Variants in EFTUD2 observed in about 807,000 individuals in gnomAD.
EFTUD2 encodes elongation factor Tu GTP binding domain containing 2, also known as 116 kDa U5 small nuclear ribonucleoprotein component.
A neutral mutation model predicts 114.3 loss-of-function variants in EFTUD2; 9 were observed. That is an observed-to-expected ratio of 0.08 (90% CI 0.05 to 0.14). The LOEUF is 0.14. Ranked by LOEUF, EFTUD2 falls within the 10% of genes least tolerant of loss-of-function variation. The pLI is 1.00. For synonymous variants in EFTUD2, 449 were observed against 462.3 expected, an observed-to-expected ratio of 0.97 and a Z score of 0.37; for missense variants, 765 against 1,241.2, an observed-to-expected ratio of 0.62 and a Z score of 5.76.
At chr17:44,881,101 T>C (rs1043318682) in intron 7 of EFTUD2, among the ~76,000 whole-genome samples, 8 of 152,178 alleles carry the variant, frequency 5.3e-5, no homozygotes, top group African/African-American at 1.4e-4. Flanking sequence ...ACAGCTAACA[T>C]TGATTGCCTA....
intron 1 of EFTUD2, chr17:44,895,750 T>C (rs1298025080): frequency 6.6e-6 from 1 of 152,224 alleles, no homozygotes; most frequent in Non-Finnish European, 1.5e-5. Context: ...AGAAAATTGA[T>C]ATTCACACAT....
chr17:44,859,006 C>T (rs1384521785), intron 19 of EFTUD2, 74 bp downstream of exon 19: 5 of 989,606 alleles, frequency 5.1e-6, no homozygotes, highest in African/African-American at 4.8e-5. Flanking sequence ...TTGGAGCTTC[C>T]CAGGAATTCA....
chr17:44,856,777 A>C (rs1036308473), intron 20 of EFTUD2, among the ~76,000 whole-genome samples: 25 of 152,104 alleles, frequency 1.6e-4, no homozygotes, highest in African/African-American at 5.8e-4. Context: ...AAAAAACAAA[A>C]AAACAAAAAG....
intron 11 of EFTUD2, among the ~76,000 whole-genome samples, chr17:44,869,887 G>A (rs187586391): frequency 3.9e-4 from 59 of 152,264 alleles, no homozygotes; most frequent in East Asian, 1.2e-3. Flanking sequence ...GATTCTGTTC[G>A]TCCACTGGAT....
chr17:44,894,769 A>G (rs1469640617), intron 1 of EFTUD2, among the ~76,000 whole-genome samples: 1 of 152,212 alleles, frequency 6.6e-6, no homozygotes, highest in Non-Finnish European at 1.5e-5. Context: ...TAAGGAGCAG[A>G]GAGTTGAATA....
At chr17:44,875,456 G>A (rs530756842) in intron 10 of EFTUD2, among the ~76,000 whole-genome samples, 9 of 152,248 alleles carry the variant, frequency 5.9e-5, no homozygotes, top group Admixed American at 4.6e-4. Flanking sequence ...CATGAACCCG[G>A]GAGGCGGAGC....
At chr17:44,866,997 C>T (rs72828805) in intron 13 of EFTUD2, among the ~76,000 whole-genome samples, 1,930 of 152,264 alleles carry the variant, frequency 0.013, 26 homozygotes, top group Middle Eastern at 0.051. Flanking sequence ...GTCCCAGCTT[C>T]TCAGGAGGCT....
At position 44,853,532 on chromosome 17, in the gene EFTUD2, G is replaced by A. The variant is rs1372326298; in HGVS notation, c.2451C>T (p.Tyr817=). 2.5e-6 allele frequency: 4 copies of A among 1,614,108 alleles called. No homozygotes were observed. Among genetic ancestry groups the A allele is most frequent in the African/African-American group, 1.3e-5 (1 of 74,944 alleles). ...ATTCTCTTACCATGAGGAAGGCAGA[G>A]TAGACGACTCTCCTGGCTGTGGGGA... ...QIIPTARRVV[Y]SAFLMATPRL... The change falls in exon 24 of 28, where the codon TAC becomes TAT. Residue 817 remains tyrosine (Y), a synonymous_variant. Transcript: ENST00000426333.
intron 12 of EFTUD2, 76 bp downstream of exon 12, chr17:44,868,211 T>A: frequency 3.9e-6 from 5 of 1,296,750 alleles, no homozygotes; most frequent in Non-Finnish European, 4.3e-6. Context: ...ATCTTTGAAC[T>A]CAGAGAATTT....
intron 5 of EFTUD2, 143 bp downstream of exon 5, chr17:44,883,506 A>T: frequency 1.3e-6 from 1 of 781,740 alleles, no homozygotes; most frequent in Non-Finnish European, 2.1e-6. Flanking sequence ...TCACAGTATG[A>T]CTTCGTAACA....
At chr17:44,891,552 A>T (rs1482621899) in intron 2 of EFTUD2, among the ~76,000 whole-genome samples, 1 of 152,052 alleles carries the variant, frequency 6.6e-6, no homozygotes, top group Non-Finnish European at 1.5e-5. Context: ...GTCTCACTAC[A>T]TTGCCCAAGC....
At chr17:44,875,256 G>T (rs2050925268) in intron 10 of EFTUD2, among the ~76,000 whole-genome samples, 1 of 151,860 alleles carries the variant, frequency 6.6e-6, no homozygotes, top group African/African-American at 2.4e-5. Context: ...ATTGGCCGGG[G>T]GTGGTGGTTC....
Position 44,850,226 on chromosome 17 carries a change from G to A in EFTUD2, c.*1048C>T. ...GGGGCAGAAAGATGAGCGGGAAGCT[G>A]GACTCTCAAGGGAGCAGCTAGAGGT... On this transcript the variant is annotated 3_prime_UTR_variant, in exon 28 of 28. Transcript: ENST00000426333. 1.3e-6 allele frequency: 1 copy of A among 773,446 alleles called. No individual in the cohort carries two copies. The highest frequency in any genetic ancestry group is 2.1e-6 in the Non-Finnish European group (1 of 473,352). The allele number at this position is 773,446 out of a possible 1,614,324, so 47.9% of individuals were successfully genotyped here.
At chr17:44,887,652 C>A (rs1432828245) in intron 2 of EFTUD2, among the ~76,000 whole-genome samples, 2 of 151,990 alleles carry the variant, frequency 1.3e-5, no homozygotes, top group Non-Finnish European at 2.9e-5. Context: ...AGACAGAAAG[C>A]AGATTGCCCA....
At position 44,850,378 on chromosome 17, in the gene EFTUD2, G is replaced by C. The variant is rs772714878; in HGVS notation, c.*896C>G. On this transcript the variant is annotated 3_prime_UTR_variant, in exon 28 of 28. Transcript: ENST00000426333. ...GCGATTACGTCAAGAGGATGGCACA[G>C]GATGCTGGAGAGAAGTAGGACTCCT... is the stretch of plus-strand genomic sequence containing the variant. 6.2e-7 allele frequency: 1 copy of C among 1,613,122 alleles called. No individual in the cohort carries two copies.
At chr17:44,856,001 C>T (rs1555564565) in intron 20 of EFTUD2, among the ~76,000 whole-genome samples, 1 of 150,678 alleles carries the variant, frequency 6.6e-6, no homozygotes, top group African/African-American at 2.4e-5. Flanking sequence ...GGTTAGCACA[C>T]CTGTAGTCCC....
chr17:44,889,181 G>A (rs2051233071), intron 2 of EFTUD2, among the ~76,000 whole-genome samples: 1 of 152,198 alleles, frequency 6.6e-6, no homozygotes, highest in African/African-American at 2.4e-5. Flanking sequence ...GGCAGGTCAT[G>A]TGGGCTGAGG....
chr17:44,864,001 A>G, intron 14 of EFTUD2: 1 of 495,382 alleles, frequency 2.0e-6, no homozygotes, highest in Non-Finnish European at 3.5e-6. Context: ...AGCAGCAGGT[A>G]TCAGTGGTAC....
intron 11 of EFTUD2, among the ~76,000 whole-genome samples, chr17:44,870,480 A>G (rs1416380863): frequency 6.6e-6 from 1 of 152,226 alleles, no homozygotes; most frequent in African/African-American, 2.4e-5. Context: ...TTACATATGT[A>G]TACAGTTGAC....
Sources: allele counts gnomAD v4.1 joint callset (sites outside exome capture counted in the v4.1 genomes callset), GRCh38; gene constraint gnomAD v4.1.1; transcripts MANE v1.5; gene names NCBI Gene and HGNC (gene_info 2026-07-23, HGNC 2026-07-21).